PCDHGB1: variants seen among roughly 807,000 people sequenced by gnomAD.
PCDHGB1 encodes protocadherin gamma-B1.
In PCDHGB1, 34 loss-of-function variants were observed where a neutral mutation model predicts 56.6. That is an observed-to-expected ratio of 0.60 (90% CI 0.46 to 0.80). PCDHGB1 has a LOEUF of 0.80. PCDHGB1 is among the 30% of genes least tolerant of loss of function. The pLI, the probability that PCDHGB1 is intolerant of heterozygous loss-of-function variation, is 0.00. For synonymous variants in PCDHGB1, 561 were observed against 505.9 expected (o/e 1.11, Z -1.46); for missense variants, 1,278 against 1,204.6 (o/e 1.06, Z -0.90).
chr5:141,370,244 ACT>A, intron 1 of PCDHGB1: 2 of 633,826 alleles, frequency 3.2e-6, no homozygotes, highest in Non-Finnish European at 5.1e-6. Flanking sequence ...AGAAAAGTGC[ACT>A]CTCTATCAGG....
Position 141,486,902 on chromosome 5 carries a change from C to T in PCDHGB1, c.2410-7905C>T, listed in dbSNP as rs2099636761. On this transcript the variant is annotated intron_variant, in intron 1 of 3. Transcript: ENST00000523390. This position sits in a 1 kb window ranked among gnomAD's most constrained non-coding sequence, Gnocchi z 5.0. ...TCGGGCCCGGCCTGGTTCCTTATGT[C>T]CCCAAGCACTGCCTCCATCAGTTGG... 1 of 1,614,226 alleles carries T rather than the reference C, an allele frequency of 6.2e-7. No individual in the cohort carries two copies. The highest frequency in any genetic ancestry group is 8.5e-7 in the Non-Finnish European group (1 of 1,180,044).
intron 1 of PCDHGB1, chr5:141,383,263 G>C: frequency 1.9e-6 from 3 of 1,613,926 alleles, no homozygotes; most frequent in Non-Finnish European, 2.5e-6. Context: ...TATAGACGTG[G>C]AAATAATAGA....
chr5:141,475,981 G>A, intron 1 of PCDHGB1: 1 of 1,042,940 alleles, frequency 9.6e-7, no homozygotes, highest in Non-Finnish European at 1.4e-6. Context: ...CTGAACAGCC[G>A]GCGAGCAAAT....
intron 1 of PCDHGB1, among the ~76,000 whole-genome samples, chr5:141,448,086 TAA>T (rs558292628): frequency 6.8e-6 from 1 of 146,354 alleles, no homozygotes; most frequent in Middle Eastern, 3.2e-3. Flanking sequence ...AATGCCATCT[TAA>T]AAAAAAAAAA....
chr5:141,414,330 G>A (rs1472752550), intron 1 of PCDHGB1: 2 of 1,613,714 alleles, frequency 1.2e-6, no homozygotes, highest in Non-Finnish European at 1.7e-6. Flanking sequence ...AGAATGGACA[G>A]GTAACCTGTT....
intron 1 of PCDHGB1, chr5:141,428,078 C>A (rs747287202): frequency 1.2e-6 from 2 of 1,609,216 alleles, no homozygotes; most frequent in Admixed American, 3.3e-5. Flanking sequence ...ATTCGGGACA[C>A]AACGCTTGGC....
At chr5:141,409,723 G>T (rs781363259) in intron 1 of PCDHGB1, 1 of 1,613,154 alleles carries the variant, frequency 6.2e-7, no homozygotes, top group Non-Finnish European at 8.5e-7. Flanking sequence ...ACGTGTCAGT[G>T]AGCGCGCAGA....
intron 1 of PCDHGB1, chr5:141,414,787 G>T (rs372484037): frequency 6.2e-7 from 1 of 1,614,230 alleles, no homozygotes; most frequent in Admixed American, 1.7e-5. Context: ...GCAGGTGACA[G>T]CCAGCGACAG....
intron 1 of PCDHGB1, among the ~76,000 whole-genome samples, chr5:141,455,904 TTTATTTA>T: frequency 6.8e-6 from 1 of 147,982 alleles, no homozygotes. Flanking sequence ...TATTTATTTA[TTTATTTA>T]TTTTGAGACG....
In PCDHGB1 at chr5:141,351,882, A is replaced by C; in HGVS notation, c.1622A>C (p.Asn541Thr). 1 of 1,613,352 alleles carries C rather than the reference A, an allele frequency of 6.2e-7. No individual in the cohort carries two copies. The highest frequency in any genetic ancestry group is 1.1e-5 in the South Asian group (1 of 91,070). Residue 541 changes from asparagine to threonine, a missense_variant, in exon 1 of 4, where the codon AAC becomes ACC. By Grantham distance (65) the Asn-to-Thr change is moderately conservative. Coordinates refer to ENST00000523390, the MANE Select transcript of PCDHGB1 (RefSeq NM_018922.3). ...RDQGSPALSA[N>T]VSLRVLVGDL... is the part of the protein sequence containing the mutation. ...CAGGGCTCCCCCGCGCTCAGCGCCA[A>C]CGTGAGCCTGCGCGTGTTGGTGGGC...
In PCDHGB1 at chr5:141,511,308, G is replaced by A. The variant is rs76613492; in HGVS notation, c.*135G>A. ...AGGGGCCAAGGCCATGCTCCCCTTG[G>A]GAAACAGAAACAAGTGCCCAGTCAG... is the stretch of plus-strand genomic sequence containing the variant. On this transcript the variant is annotated 3_prime_UTR_variant, in exon 4 of 4. Coordinates refer to ENST00000523390, the MANE Select transcript of PCDHGB1 (RefSeq NM_018922.3). 1.1e-3 allele frequency: 1,589 copies of A among 1,487,716 alleles called. 16 individuals carry two copies. In the African/African-American group the frequency reaches 0.021, roughly 19 times the overall value. The allele number at this position is 1,487,716 out of a possible 1,614,324, so 92.2% of individuals were successfully genotyped here.
intron 1 of PCDHGB1, chr5:141,356,076 T>G (rs772050180): frequency 1.2e-6 from 2 of 1,613,914 alleles, no homozygotes; most frequent in South Asian, 2.2e-5. Flanking sequence ...CACAGCTATT[T>G]CAGTTGAATT....
At position 141,383,195 on chromosome 5, in the gene PCDHGB1, G is replaced by A. The variant is rs765730698; in HGVS notation, c.2409+30526G>A. On this transcript the variant is annotated intron_variant, in intron 1 of 3. Transcript: ENST00000523390. ...GACCGGGAAGAGATCTGCGCTCAGA[G>A]TGCGCGGTGTCTGGTAAACTTTAAC... 18 of 1,614,044 alleles carry A rather than the reference G, an allele frequency of 1.1e-5. No homozygotes were observed. Among genetic ancestry groups the A allele is most frequent in the Non-Finnish European group, 1.5e-5 (18 of 1,179,940 alleles).
chr5:141,430,944 G>C (rs1417018095), intron 1 of PCDHGB1: 1 of 1,609,214 alleles, frequency 6.2e-7, no homozygotes, highest in Non-Finnish European at 8.5e-7. Flanking sequence ...CTCGCGGAGC[G>C]CGGAGTCCGC....
At chr5:141,365,940 G>A (rs1433915160) in intron 1 of PCDHGB1, 1 of 1,614,248 alleles carries the variant, frequency 6.2e-7, no homozygotes, top group East Asian at 2.2e-5. Flanking sequence ...GCCAGCGACA[G>A]TGGGAACCCT....
At chr5:141,360,150 A>G (rs1761441721) in intron 1 of PCDHGB1, 2 of 1,602,638 alleles carry the variant, frequency 1.2e-6, no homozygotes, top group Admixed American at 3.4e-5. Flanking sequence ...AAGCGAGCTC[A>G]GGGAGGTGCG....
In PCDHGB1 at chr5:141,485,115, G is replaced by A. The variant is rs1043877839; in HGVS notation, c.2410-9692G>A. 6.9e-6 allele frequency: 9 copies of A among 1,300,470 alleles called. No individual in the cohort carries two copies. Among genetic ancestry groups the A allele is most frequent in the Non-Finnish European group, 1.1e-6 (1 of 911,406 alleles). 80.6% of individuals were successfully genotyped at this position (1,300,470 alleles called of 1,614,324 possible). ...GTGTCTCCAGCTGCTGTGGCTGTTT[G>A]GGGCGGGTCGGCTTCATCCGCGTCT... On this transcript the variant is annotated intron_variant, in intron 1 of 3. Coordinates refer to ENST00000523390, the MANE Select transcript of PCDHGB1 (RefSeq NM_018922.3). The surrounding 1 kb of genome is among the most constrained non-coding windows in gnomAD (Gnocchi z 5.7).
At position 141,477,763 on chromosome 5, in the gene PCDHGB1, C is replaced by A. The variant is rs763322593; in HGVS notation, c.2410-17044C>A. On this transcript the variant is annotated intron_variant, in intron 1 of 3. Coordinates refer to ENST00000523390, the MANE Select transcript of PCDHGB1 (RefSeq NM_018922.3). The surrounding 1 kb of genome is among the most constrained non-coding windows in gnomAD (Gnocchi z 4.9). ...ATGGGGGCACCCCGGTCCTAGCCAC[C>A]AACATCAGCGTGAACATATTTGTCA... 5.0e-6 allele frequency: 8 copies of A among 1,613,894 alleles called. No homozygotes were observed. The East Asian group carries it at 1.6e-4, about 31-fold the overall frequency.
intron 1 of PCDHGB1, chr5:141,400,255 C>A (rs2093990770): frequency 4.3e-6 from 7 of 1,613,928 alleles, no homozygotes; most frequent in Non-Finnish European, 1.7e-6. Context: ...CGTTGCCTTG[C>A]GCCTGCGACG....
Sources: gnomAD v4.1 joint callset for allele counts (sites outside exome capture counted in the v4.1 genomes callset) on GRCh38, gnomAD v4.1.1 for gene constraint, Gnocchi (gnomAD v3.1) non-coding constraint, MANE v1.5 for transcripts, NCBI Gene and HGNC (gene_info 2026-07-23, HGNC 2026-07-21) for gene names.